The following METTL25 variants were observed in gnomAD, a reference collection of about 807,000 sequenced individuals.
METTL25 encodes the protein methyltransferase like 25, also known as probable methyltransferase-like protein 25.
METTL25 carries 64 observed loss-of-function variants against 71.6 expected under a neutral mutation model. That is an observed-to-expected ratio of 0.89 (90% CI 0.73 to 1.10). The LOEUF (loss-of-function observed/expected upper bound fraction) is 1.10. METTL25 is among the 50% of genes least tolerant of loss of function. The pLI, the probability that METTL25 is intolerant of heterozygous loss-of-function variation, is 0.00. For missense variants in METTL25, 807 were observed against 707.0 expected (o/e 1.14, Z -1.60); for synonymous variants, 287 against 250.3 (o/e 1.15, Z -1.38).
At chr12:82,425,068 T>C (rs1271086983) in intron 5 of METTL25, among the ~76,000 whole-genome samples, 1 of 152,056 alleles carries the variant, frequency 6.6e-6, no homozygotes, top group Non-Finnish European at 1.5e-5. Context: ...TCATTGTGTA[T>C]TACGGTATAG....
chr12:82,444,531 C>T (rs910523466), intron 8 of METTL25, among the ~76,000 whole-genome samples: 15 of 152,040 alleles, frequency 9.9e-5, no homozygotes, highest in Admixed American at 4.6e-4. Flanking sequence ...AAATGTGATA[C>T]GCCACGCAAT....
At chr12:82,423,828 A>T (rs575928277) in intron 5 of METTL25, among the ~76,000 whole-genome samples, 6 of 152,326 alleles carry the variant, frequency 3.9e-5, no homozygotes, top group Non-Finnish European at 8.8e-5. Context: ...AATCAAAACC[A>T]CAATGAGATA....
At chr12:82,399,546 C>A in intron 4 of METTL25, 152 bp downstream of exon 4, 1 of 642,600 alleles carries the variant, frequency 1.6e-6, no homozygotes. Context: ...TATTCCCACA[C>A]CCATCAAAAC....
intron 1 of METTL25, among the ~76,000 whole-genome samples, chr12:82,364,851 A>C (rs1195374157): frequency 6.6e-6 from 1 of 152,180 alleles, no homozygotes; most frequent in Non-Finnish European, 1.5e-5. Context: ...CATATTAATA[A>C]ATAACATACT....
chr12:82,418,628 G>T (rs1026632203), intron 5 of METTL25, among the ~76,000 whole-genome samples: 4 of 151,960 alleles, frequency 2.6e-5, no homozygotes, highest in African/African-American at 9.7e-5. Flanking sequence ...ATAACATCAT[G>T]GGATCTATAC....
chr12:82,456,844 T>C, intron 9 of METTL25, 24 bp downstream of exon 9: 10 of 1,151,702 alleles, frequency 8.7e-6, no homozygotes, highest in Non-Finnish European at 1.2e-5. Context: ...GACTCATTAT[T>C]TTCAGAAAAG....
chr12:82,442,335 TC>T (rs1448075384), intron 8 of METTL25, among the ~76,000 whole-genome samples: 5 of 152,278 alleles, frequency 3.3e-5, no homozygotes, highest in African/African-American at 1.2e-4. Context: ...TACCCAGATG[TC>T]CTTCAGTGAG....
intron 9 of METTL25, among the ~76,000 whole-genome samples, chr12:82,463,099 C>G (rs1310613582): frequency 6.6e-6 from 1 of 151,914 alleles, no homozygotes; most frequent in Non-Finnish European, 1.5e-5. Flanking sequence ...CTCCTTCTAG[C>G]TATTTGAAAC....
At chr12:82,363,038 C>A (rs890104011) in intron 1 of METTL25, among the ~76,000 whole-genome samples, 40 of 152,118 alleles carry the variant, frequency 2.6e-4, no homozygotes, top group African/African-American at 9.7e-4. Context: ...CACATCCTTA[C>A]CAGGTCAAGG....
At chr12:82,400,818 A>T (rs971981680) in intron 4 of METTL25, among the ~76,000 whole-genome samples, 1 of 152,164 alleles carries the variant, frequency 6.6e-6, no homozygotes, top group African/African-American at 2.4e-5. Context: ...TAGTAGGATA[A>T]TATGGTGACT....
chr12:82,459,663 T>A (rs1003525300), intron 9 of METTL25, among the ~76,000 whole-genome samples: 1 of 152,008 alleles, frequency 6.6e-6, no homozygotes, highest in Non-Finnish European at 1.5e-5. Flanking sequence ...AATACTAGTA[T>A]AGAAATGAAG....
At chr12:82,365,259 A>G (rs917999470) in intron 1 of METTL25, among the ~76,000 whole-genome samples, 1 of 152,212 alleles carries the variant, frequency 6.6e-6, no homozygotes, top group African/African-American at 2.4e-5. Flanking sequence ...AGATTTTTAA[A>G]TTTATTTGAA....
intron 5 of METTL25, among the ~76,000 whole-genome samples, chr12:82,404,733 A>G (rs1370912702): frequency 6.6e-6 from 1 of 152,154 alleles, no homozygotes; most frequent in Non-Finnish European, 1.5e-5. Context: ...ACCTGAGGTC[A>G]GGAGTTCAAG....
At chr12:82,387,097 T>A in intron 2 of METTL25, 130 bp downstream of exon 2, 1 of 714,546 alleles carries the variant, frequency 1.4e-6, no homozygotes, top group Non-Finnish European at 2.2e-6. Flanking sequence ...CCTGACAAAT[T>A]AACTATTGTT....
chr12:82,381,630 C>G (rs1396209950), intron 1 of METTL25, among the ~76,000 whole-genome samples: 1 of 152,170 alleles, frequency 6.6e-6, no homozygotes, highest in Non-Finnish European at 1.5e-5. Context: ...TGAACAGACT[C>G]AAAACATTCG....
At position 82,427,998 on chromosome 12, in the gene METTL25, G is replaced by A. The variant is rs74942651; in HGVS notation, c.1280-2895G>A. 3.4e-3 allele frequency among the ~76,000 whole-genome samples: 520 copies of A among 152,056 alleles called. 6 individuals carry two copies. The highest frequency in any genetic ancestry group is 0.012 in the African/African-American group (489 of 41,540). On this transcript the variant is annotated intron_variant, in intron 5 of 11. Transcript: ENST00000248306. ...TGTACCAAAAAGTCTTACAGGAACC[G>A]AAGGTTCTTCTGTTTTTTTGCTCTA... is the stretch of plus-strand genomic sequence containing the variant.
chr12:82,440,570 T>A (rs1890243444), intron 8 of METTL25, among the ~76,000 whole-genome samples: 1 of 152,148 alleles, frequency 6.6e-6, no homozygotes, highest in South Asian at 2.1e-4. Context: ...TATTTTTTTT[T>A]AATCCAGAAT....
chr12:82,369,295 CTCCAGTGTG>C (rs1354786472), intron 1 of METTL25, among the ~76,000 whole-genome samples: 2 of 152,230 alleles, frequency 1.3e-5, no homozygotes, highest in Non-Finnish European at 1.5e-5. Flanking sequence ...TTCTTTAACT[CTCCAGTGTG>C]TCCTGGTGTG....
intron 6 of METTL25, among the ~76,000 whole-genome samples, chr12:82,433,483 A>C (rs1889679780): frequency 6.6e-6 from 1 of 151,644 alleles, no homozygotes; most frequent in South Asian, 2.1e-4. Flanking sequence ...GTAAATGGGA[A>C]TATTACATTT....
Sources: allele counts gnomAD v4.1 joint callset (sites outside exome capture counted in the v4.1 genomes callset), GRCh38; gene constraint gnomAD v4.1.1; transcripts MANE v1.5; gene names NCBI Gene and HGNC (gene_info 2026-07-23, HGNC 2026-07-21).